The following PEPD variants were observed in gnomAD, a reference collection of about 807,000 sequenced individuals.
PEPD encodes the protein peptidase D.
In PEPD, 53 loss-of-function variants were observed where a neutral mutation model predicts 60.7. That is an observed-to-expected ratio of 0.87 (90% confidence interval 0.70 to 1.10). The LOEUF is 1.10. Ranked by LOEUF, PEPD falls within the 50% of genes least tolerant of loss-of-function variation. The pLI, the probability that PEPD is intolerant of heterozygous loss-of-function variation, is 0.00. For synonymous variants in PEPD, 267 were observed against 284.1 expected (o/e 0.94, Z 0.60); for missense variants, 711 against 711.9 (o/e 1.00, Z 0.01).
intron 12 of PEPD, among the ~76,000 whole-genome samples, chr19:33,396,488 T>C (rs1205249582): frequency 6.6e-6 from 1 of 152,192 alleles, no homozygotes; most frequent in Non-Finnish European, 1.5e-5. Flanking sequence ...TCCCCTCCTC[T>C]GACCTCACAT....
intron 4 of PEPD, among the ~76,000 whole-genome samples, chr19:33,497,612 C>T (rs1007526949): frequency 6.6e-6 from 1 of 152,182 alleles, no homozygotes; most frequent in Non-Finnish European, 1.5e-5. Context: ...AGGAGACAAG[C>T]GTTGGCTGTG....
intron 9 of PEPD, among the ~76,000 whole-genome samples, chr19:33,430,150 G>A (rs952201177): frequency 1.3e-5 from 2 of 152,306 alleles, no homozygotes; most frequent in South Asian, 2.1e-4. Context: ...TCCCCCTCAC[G>A]GGATTAAATG....
Position 33,401,881 on chromosome 19 carries a change from G to A in PEPD, c.819-12C>T. The stretch of plus-strand genomic sequence containing the variant: ...CCATGTCGAACAGGCTGCGGAGAGA[G>A]GAAGGCAGGGCAAGTGGGTACTGGG... On this transcript the variant is annotated splice_polypyrimidine_tract_variant and intron_variant, in intron 11 of 14. Transcript: ENST00000244137. The A allele has an allele frequency of 6.2e-7, 1 of 1,612,518 alleles. No homozygotes were observed. The highest frequency in any genetic ancestry group is 8.5e-7 in the Non-Finnish European group (1 of 1,179,708).
chr19:33,489,597 C>T (rs1029789324), intron 6 of PEPD, among the ~76,000 whole-genome samples: 5 of 151,878 alleles, frequency 3.3e-5, no homozygotes, highest in Admixed American at 2.0e-4. Flanking sequence ...CCATTGCACT[C>T]CAGCCTGGGT....
chr19:33,499,647 G>A (rs1970671775), intron 4 of PEPD, among the ~76,000 whole-genome samples: 2 of 152,262 alleles, frequency 1.3e-5, no homozygotes, highest in South Asian at 4.1e-4. Flanking sequence ...TGAGGGCTCA[G>A]GGAAGGGGCA....
chr19:33,442,291 C>T (rs1415835699), intron 9 of PEPD, among the ~76,000 whole-genome samples: 2 of 152,086 alleles, frequency 1.3e-5, no homozygotes, highest in African/African-American at 4.8e-5. Context: ...CCTGTAATCC[C>T]AGCTACTTGG....
At chr19:33,478,129 G>A (rs774874484) in intron 6 of PEPD, 39 bp from the exon 7 acceptor site, 8 of 1,408,590 alleles carry the variant, frequency 5.7e-6, no homozygotes, top group Middle Eastern at 1.8e-4. Flanking sequence ...TAATCCAACG[G>A]TCTGTCATGT....
chr19:33,389,514 G>A lies in PEPD; in HGVS notation c.1153-1433C>T, dbSNP rs911183035. Among the ~76,000 whole-genome samples the A allele has an allele frequency of 4.7e-5, 7 of 149,870 alleles. No individual in the cohort carries two copies. The South Asian group carries it at 6.4e-4, about 14-fold the overall frequency. On this transcript the variant is annotated intron_variant, in intron 13 of 14. Coordinates refer to ENST00000244137, the MANE Select transcript of PEPD (RefSeq NM_000285.4). ...TGCTGGGCTCCCCCACCCCACCGCC[G>A]CCCATCCCTCTCCTTCATGCTATTC... is the stretch of plus-strand genomic sequence containing the variant.
chr19:33,472,445 G>A (rs1390571197), intron 7 of PEPD, among the ~76,000 whole-genome samples: 1 of 152,138 alleles, frequency 6.6e-6, no homozygotes, highest in African/African-American at 2.4e-5. Flanking sequence ...CCACGCTGTG[G>A]GCATCAACAT....
intron 1 of PEPD, among the ~76,000 whole-genome samples, chr19:33,520,179 G>A (rs1971105141): frequency 6.6e-6 from 1 of 152,088 alleles, no homozygotes; most frequent in Non-Finnish European, 1.5e-5. Context: ...GCAGGTCTCA[G>A]GCCAGCTTGG....
intron 9 of PEPD, among the ~76,000 whole-genome samples, chr19:33,442,085 C>A (rs1969488655): frequency 6.6e-6 from 1 of 152,240 alleles, no homozygotes; most frequent in Non-Finnish European, 1.5e-5. Context: ...CTTTGTTCCT[C>A]ACCTGTAAAA....
intron 6 of PEPD, among the ~76,000 whole-genome samples, chr19:33,488,192 C>T (rs1970432521): frequency 6.6e-6 from 1 of 152,144 alleles, no homozygotes; most frequent in Admixed American, 6.5e-5. Context: ...CCACCTGGCC[C>T]ACCACGCAGA....
chr19:33,491,271 G>A (rs1019406166), intron 5 of PEPD, among the ~76,000 whole-genome samples: 1 of 152,000 alleles, frequency 6.6e-6, no homozygotes, highest in African/African-American at 2.4e-5. Flanking sequence ...TCAACATGGC[G>A]AAACCCCGTC....
At position 33,413,055 on chromosome 19, in the gene PEPD, C is replaced by T. The variant is rs771335735; in HGVS notation, c.740+520G>A. Among the ~76,000 whole-genome samples the T allele has an allele frequency of 5.2e-5, 8 of 152,392 alleles. No individual in the cohort carries two copies. The East Asian group carries it at 7.7e-4, about 15-fold the overall frequency. ...CACACCCACACAGAGCCCTGCCCCT[C>T]GGCACCATGTGCCACGAGCAGGCAC... is the stretch of plus-strand genomic sequence containing the variant. On this transcript the variant is annotated intron_variant, in intron 10 of 14. Transcript: ENST00000244137.
chr19:33,457,867 A>AAAAAAAGAG (rs1257653214), intron 9 of PEPD, among the ~76,000 whole-genome samples: 12 of 152,248 alleles, frequency 7.9e-5, no homozygotes, highest in Non-Finnish European at 1.6e-4. Flanking sequence ...ACAAAAAGAG[A>AAAAAAAGAG]AAAAAATCTG....
chr19:33,480,185 T>C (rs1032750264), intron 6 of PEPD, among the ~76,000 whole-genome samples: 1 of 152,152 alleles, frequency 6.6e-6, no homozygotes, highest in African/African-American at 2.4e-5. Context: ...CACAAATAGG[T>C]TGAAAGTAAA....
In PEPD at chr19:33,391,344, A is replaced by C. The variant is rs797045185; in HGVS notation, c.1103T>G (p.Leu368Arg). ...CACGTCAATGCCCAGGAAGTGGCCA[A>C]GCCCGTGAGGCATAAACACGGCCCC... ...HLGAVFMPHG[L>R]GHFLGIDVHD... Residue 368 changes from leucine (L) to arginine (R), a missense_variant, in exon 13 of 15, where the codon CTT (leucine) becomes CGT (arginine). By Grantham distance (102) the Leu-to-Arg change is moderately radical. Coordinates refer to ENST00000244137, the MANE Select transcript of PEPD (RefSeq NM_000285.4). 3.1e-6 allele frequency: 5 copies of C among 1,611,622 alleles called. No homozygotes were observed. The highest frequency in any genetic ancestry group is 4.2e-6 in the Non-Finnish European group (5 of 1,179,362).
At chr19:33,417,247 TC>T (rs1968909875) in intron 9 of PEPD, among the ~76,000 whole-genome samples, 1 of 152,218 alleles carries the variant, frequency 6.6e-6, no homozygotes, top group African/African-American at 2.4e-5. Flanking sequence ...CGGCTGGGCC[TC>T]AATGGATCTC....
At chr19:33,459,833 A>G (rs1969894253) in intron 9 of PEPD, among the ~76,000 whole-genome samples, 1 of 152,150 alleles carries the variant, frequency 6.6e-6, no homozygotes, top group Non-Finnish European at 1.5e-5. Flanking sequence ...TCCTGCCCCG[A>G]GTCCTGAACT....
Sources: allele counts gnomAD v4.1 joint callset (sites outside exome capture counted in the v4.1 genomes callset), GRCh38; gene constraint gnomAD v4.1.1; transcripts MANE v1.5; gene names NCBI Gene and HGNC (gene_info 2026-07-23, HGNC 2026-07-21).